Variants in BMX observed in about 807,000 individuals in gnomAD.
BMX encodes BMX non-receptor tyrosine kinase.
Under a neutral mutation model 59.2 loss-of-function variants are expected in BMX, and 31 were observed. The observed-to-expected ratio is 0.52, with a 90% CI of 0.39 to 0.71. The LOEUF (loss-of-function observed/expected upper bound fraction) is 0.71. Among genes scored for constraint, BMX ranks in the 30% least tolerant of loss-of-function variants. BMX has a pLI of 0.00. For synonymous variants in BMX, 185 were observed against 181.0 expected, an observed-to-expected ratio of 1.02 and a Z score of -0.18; for missense variants, 474 against 491.7, an observed-to-expected ratio of 0.96 and a Z score of 0.34.
At chrX:15,537,748 G>A (rs1156934836) in intron 14 of BMX, among the ~76,000 whole-genome samples, 1 of 111,336 alleles carries the variant, frequency 9.0e-6, no homozygotes, top group Non-Finnish European at 1.9e-5. Context: ...TAGGGGTAGT[G>A]TGCTTTACCC....
chrX:15,545,035 G>A (rs1925880821), intron 16 of BMX, among the ~76,000 whole-genome samples: 1 of 110,938 alleles, frequency 9.0e-6, no homozygotes, highest in African/African-American at 3.3e-5. Context: ...GTTTTTGTGG[G>A]CAAATATATG....
rs893656306 is a variant in BMX, at chrX:15,519,029, T to C, written c.510+1036T>C. On this transcript the variant is annotated intron_variant, in intron 6 of 18. Transcript: ENST00000348343. Reference sequence around the variant, plus strand: ...GATTGCTCTGGTTAATTAAGCTGTATGTAGCTCTCTCTCGAAGTACAGGCT... The same window carrying C: ...GATTGCTCTGGTTAATTAAGCTGTACGTAGCTCTCTCTCGAAGTACAGGCT... 8.0e-5 allele frequency among the ~76,000 whole-genome samples: 9 copies of C among 111,999 alleles called. 1 individual carries two copies. Among genetic ancestry groups the C allele is most frequent in the African/African-American group, 2.6e-4 (8 of 30,775 alleles).
chrX:15,511,255 G>T (rs1923944701), intron 3 of BMX, among the ~76,000 whole-genome samples, 182 bp from the exon 4 acceptor site: 1 of 111,906 alleles, frequency 8.9e-6, no homozygotes, highest in African/African-American at 3.2e-5. Flanking sequence ...AGGAGTGTCT[G>T]GGATAAAACA....
intron 4 of BMX, among the ~76,000 whole-genome samples, chrX:15,513,527 A>G (rs560891947): frequency 8.9e-6 from 1 of 112,004 alleles, no homozygotes; most frequent in South Asian, 3.7e-4. Flanking sequence ...ACAAAGTTTC[A>G]TTGTGCTATA....
chrX:15,518,518 C>T (rs1349322366), intron 6 of BMX, among the ~76,000 whole-genome samples: 1 of 111,997 alleles, frequency 8.9e-6, no homozygotes, highest in African/African-American at 3.2e-5. Flanking sequence ...GTTTTGCAGT[C>T]ATTCTCAAAT....
intron 1 of BMX, among the ~76,000 whole-genome samples, chrX:15,502,149 C>T: frequency 9.0e-6 from 1 of 111,337 alleles, no homozygotes; most frequent in East Asian, 2.8e-4. Context: ...ACTGCCTTTA[C>T]AGATGGGGAA....
rs775157842 is a variant in BMX, at chrX:15,533,019, A to G, written c.1020-1193A>G. On this transcript the variant is annotated intron_variant, in intron 11 of 18. Coordinates refer to ENST00000348343, the MANE Select transcript of BMX (RefSeq NM_203281.3). Reference sequence around the variant, plus strand: ...CAGGTAGATAAATCAGCAAATAGATAAAGAATCAAATGAATACAGAAGCCC... The same window carrying G: ...CAGGTAGATAAATCAGCAAATAGATGAAGAATCAAATGAATACAGAAGCCC... Among the ~76,000 whole-genome samples, 16 of 112,649 alleles carry G rather than the reference A, an allele frequency of 1.4e-4. No homozygotes were observed. The South Asian group carries it at 1.4e-3, about 10-fold the overall frequency.
chrX:15,525,894 A>G, intron 8 of BMX, 148 bp from the exon 9 acceptor site: 1 of 465,721 alleles, frequency 2.1e-6, no homozygotes, highest in Non-Finnish European at 3.6e-6. Context: ...CTGTGTTGAT[A>G]CTTTGCCAGG....
chrX:15,516,402 G>A (rs1924158502), intron 5 of BMX, among the ~76,000 whole-genome samples, 171 bp downstream of exon 5: 1 of 112,176 alleles, frequency 8.9e-6, no homozygotes, highest in African/African-American at 3.2e-5. Flanking sequence ...TCATTCTAGG[G>A]TCAATTGAGT....
intron 4 of BMX, among the ~76,000 whole-genome samples, chrX:15,515,625 C>T (rs1398712107): frequency 8.9e-6 from 1 of 111,912 alleles, no homozygotes; most frequent in Non-Finnish European, 1.9e-5. Context: ...CATATGGATG[C>T]TCATTGTATT....
At chrX:15,510,990 T>C (rs1923931557) in intron 3 of BMX, among the ~76,000 whole-genome samples, 1 of 112,078 alleles carries the variant, frequency 8.9e-6, no homozygotes. Context: ...GATCAGAATA[T>C]ATGGATATTG....
At chrX:15,522,981 C>A (rs1245355436) in intron 7 of BMX, among the ~76,000 whole-genome samples, 1 of 112,356 alleles carries the variant, frequency 8.9e-6, no homozygotes, top group African/African-American at 3.2e-5. Flanking sequence ...CAAGCAAGGC[C>A]ATGGCTTGCC....
chrX:15,537,418 A>G, intron 14 of BMX, 113 bp downstream of exon 14: 1 of 760,497 alleles, frequency 1.3e-6, no homozygotes, highest in Non-Finnish European at 1.9e-6. Flanking sequence ...ATACTGTATC[A>G]TAGACATAAA....
At chrX:15,511,295 AT>A (rs1363770165) in intron 3 of BMX, 141 bp from the exon 4 acceptor site, 2 of 417,431 alleles carry the variant, frequency 4.8e-6, no homozygotes, top group Non-Finnish European at 8.0e-6. Flanking sequence ...TTTTAAGAAA[AT>A]TTTTTTCATC....
chrX:15,508,064 G>A (rs1230314480), intron 1 of BMX, among the ~76,000 whole-genome samples: 1 of 112,003 alleles, frequency 8.9e-6, no homozygotes, highest in Non-Finnish European at 1.9e-5. Context: ...AAGGTGGTCT[G>A]GAGAATGGGG....
chrX:15,534,235 A>G lies in BMX; in HGVS notation c.1043A>G (p.His348Arg). The G allele has an allele frequency of 8.5e-7, 1 of 1,176,641 alleles. No individual in the cohort carries two copies. The highest frequency in any genetic ancestry group is 3.1e-5 in the East Asian group (1 of 32,145). ...AGTGATAAAAAAGGAACTGTCAAAC[A>G]TTACCACGTGCATACAAATGCTGAG... Reference protein sequence around the residue: ...AVNDKKGTVKHYHVHTNAENK... With the variant: ...AVNDKKGTVKRYHVHTNAENK... The change falls in exon 12 of 19, where the codon CAT becomes CGT. Residue 348 changes from histidine (H) to arginine (R), a missense_variant. Coordinates refer to ENST00000348343, the MANE Select transcript of BMX (RefSeq NM_203281.3).
At chrX:15,526,203 A>G in intron 9 of BMX, 108 bp downstream of exon 9, 2 of 654,888 alleles carry the variant, frequency 3.1e-6, no homozygotes, top group Non-Finnish European at 4.5e-6. Flanking sequence ...AGGAGGCTGT[A>G]TTTACATGGG....
Position 15,525,884 on chromosome X carries a change from C to T in BMX, c.831-158C>T, listed in dbSNP as rs138198015. Among the ~76,000 whole-genome samples, 436 of 112,334 alleles carry T rather than the reference C, an allele frequency of 3.9e-3. 1 individual carries two copies. Among genetic ancestry groups the T allele is most frequent in the African/African-American group, 0.013 (414 of 30,938 alleles). On this transcript the variant is annotated intron_variant, in intron 8 of 18. Coordinates refer to ENST00000348343, the MANE Select transcript of BMX (RefSeq NM_203281.3). ...TTGAGTGACTCTCTCTTTACTGTTG[C>T]TGTGTTGATACTTTGCCAGGTGCAG...
chrX:15,536,958 C>T (rs1925387074), intron 13 of BMX, among the ~76,000 whole-genome samples, 176 bp from the exon 14 acceptor site: 1 of 110,214 alleles, frequency 9.1e-6, no homozygotes, highest in Non-Finnish European at 1.9e-5. Flanking sequence ...GCCATTATCA[C>T]GTAGCCACAA....
Sources: gnomAD v4.1 joint callset for allele counts (sites outside exome capture counted in the v4.1 genomes callset) on GRCh38, gnomAD v4.1.1 for gene constraint, MANE v1.5 for transcripts, NCBI Gene and HGNC (gene_info 2026-07-23, HGNC 2026-07-21) for gene names.